Variants in CDKAL1 observed in about 807,000 individuals in gnomAD.
The protein encoded by CDKAL1 is threonylcarbamoyladenosine tRNA methylthiotransferase.
A neutral mutation model predicts 68.2 loss-of-function variants in CDKAL1; 32 were observed. The observed-to-expected ratio is 0.47, with a 90% CI of 0.35 to 0.63. The LOEUF is 0.63. Among genes scored for constraint, CDKAL1 ranks in the 30% least tolerant of loss-of-function variants. The pLI, the probability that CDKAL1 is intolerant of heterozygous loss-of-function variation, is 0.00. For synonymous variants in CDKAL1, 234 were observed against 244.3 expected (o/e 0.96, Z 0.39); for missense variants, 606 against 696.7 (o/e 0.87, Z 1.47).
chr6:20,629,913 G>C (rs1299856763), intron 4 of CDKAL1, among the ~76,000 whole-genome samples: 1 of 151,974 alleles, frequency 6.6e-6, no homozygotes, highest in South Asian at 2.1e-4. Context: ...GAGTGCAGCG[G>C]CACGATCTTG....
intron 13 of CDKAL1, among the ~76,000 whole-genome samples, chr6:21,163,142 G>A (rs1248027772): frequency 1.3e-5 from 2 of 152,108 alleles, no homozygotes; most frequent in African/African-American, 4.8e-5. Context: ...GATGTATAAC[G>A]CTAGCAAATG....
chr6:20,546,849 C>T (rs919278894), intron 3 of CDKAL1, among the ~76,000 whole-genome samples: 27 of 152,248 alleles, frequency 1.8e-4, no homozygotes, highest in Admixed American at 1.4e-3. Context: ...CCACTGAGCA[C>T]GGCCGAAATT....
rs565163496 is a variant in CDKAL1, at chr6:20,916,319, G to A, written c.743-39100G>A. Among the ~76,000 whole-genome samples the A allele has an allele frequency of 9.2e-5, 14 of 152,270 alleles. No individual in the cohort carries two copies. The South Asian group carries it at 2.1e-3, about 23-fold the overall frequency. ...CATTCGGGGAACCTGGGTGAAGAATGCAAGAAAACTTCCTATTTTTGCAAC... is the reference window on the plus strand; with the variant it reads ...CATTCGGGGAACCTGGGTGAAGAATACAAGAAAACTTCCTATTTTTGCAAC... On this transcript the variant is annotated intron_variant, in intron 9 of 15. Transcript: ENST00000274695.
At chr6:20,710,252 G>C (rs1771786755) in intron 5 of CDKAL1, among the ~76,000 whole-genome samples, 1 of 152,142 alleles carries the variant, frequency 6.6e-6, no homozygotes, top group African/African-American at 2.4e-5. Context: ...TTTGTAGAAA[G>C]TAGGTACAGT....
intron 6 of CDKAL1, among the ~76,000 whole-genome samples, chr6:20,742,291 C>A (rs577172483): frequency 7.9e-5 from 12 of 152,164 alleles, no homozygotes; most frequent in African/African-American, 2.9e-4. Context: ...GTTTCTTTTG[C>A]TGTTTTGTTC....
rs115958626 is a variant in CDKAL1 at position 21,070,221 on chromosome 6, C to T, written c.1236+4993C>T. On this transcript the variant is annotated intron_variant, in intron 12 of 15. Coordinates refer to ENST00000274695, the MANE Select transcript of CDKAL1 (RefSeq NM_017774.3). ...ATTTTTCCCTTTTCCTGAAAGATAG[C>T]ACATGTGTACAGCTGAATAATTTTC... is the stretch of plus-strand genomic sequence containing the variant. Among the ~76,000 whole-genome samples the T allele has an allele frequency of 2.2e-3, 334 of 152,258 alleles. 1 individual carries two copies. Among genetic ancestry groups the T allele is most frequent in the African/African-American group, 7.4e-3 (307 of 41,568 alleles).
intron 13 of CDKAL1, among the ~76,000 whole-genome samples, chr6:21,169,508 T>C (rs1777287616): frequency 1.3e-5 from 2 of 152,148 alleles, no homozygotes; most frequent in South Asian, 4.1e-4. Context: ...TGGTGGTGCA[T>C]ACCTGTAATC....
chr6:20,801,210 C>T (rs866488235), intron 8 of CDKAL1, among the ~76,000 whole-genome samples: 7 of 152,230 alleles, frequency 4.6e-5, no homozygotes, highest in East Asian at 1.9e-4. Flanking sequence ...AGGCATGAGC[C>T]GCCATTCCTG....
chr6:20,595,677 G>T (rs902826576), intron 4 of CDKAL1, among the ~76,000 whole-genome samples: 7 of 151,940 alleles, frequency 4.6e-5, no homozygotes, highest in African/African-American at 1.7e-4. Flanking sequence ...ACTTCTGTCA[G>T]TTCGTCACAC....
intron 12 of CDKAL1, among the ~76,000 whole-genome samples, chr6:21,094,514 C>A (rs1773221943): frequency 6.6e-6 from 1 of 152,004 alleles, no homozygotes; most frequent in Non-Finnish European, 1.5e-5. Context: ...GACAAACTCT[C>A]CAAGATAGAA....
chr6:20,627,910 G>A (rs55956442), intron 4 of CDKAL1, among the ~76,000 whole-genome samples: 51 of 152,208 alleles, frequency 3.4e-4, no homozygotes, highest in African/African-American at 1.2e-3. Context: ...AGTATACAAA[G>A]GTCATGATTT....
At chr6:20,843,537 A>C (rs951313983) in intron 8 of CDKAL1, among the ~76,000 whole-genome samples, 4 of 152,126 alleles carry the variant, frequency 2.6e-5, no homozygotes, top group Non-Finnish European at 5.9e-5. Flanking sequence ...CCAAACACAA[A>C]ATTCATTTAT....
intron 9 of CDKAL1, among the ~76,000 whole-genome samples, chr6:20,866,633 G>A (rs1020221110): frequency 1.3e-5 from 2 of 152,166 alleles, no homozygotes; most frequent in African/African-American, 4.8e-5. Flanking sequence ...AATCATTAGA[G>A]TTGTGTCCAT....
intron 11 of CDKAL1, among the ~76,000 whole-genome samples, chr6:21,042,427 C>G (rs1369125292): frequency 6.6e-6 from 1 of 152,166 alleles, no homozygotes; most frequent in African/African-American, 2.4e-5. Context: ...ACACAACTAA[C>G]ACCTCTCTCG....
intron 13 of CDKAL1, among the ~76,000 whole-genome samples, chr6:21,181,458 A>G (rs1777786370): frequency 6.6e-6 from 1 of 152,130 alleles, no homozygotes; most frequent in Non-Finnish European, 1.5e-5. Flanking sequence ...TCCTCCCTCT[A>G]TTGCCTTCTC....
intron 4 of CDKAL1, among the ~76,000 whole-genome samples, chr6:20,565,609 T>G (rs1195277144): frequency 1.3e-5 from 2 of 152,150 alleles, no homozygotes; most frequent in Non-Finnish European, 2.9e-5. Context: ...ATGCTACATA[T>G]GCGATTTGTC....
At position 20,555,857 on chromosome 6, in the gene CDKAL1, C is replaced by T. The variant is rs371240036; in HGVS notation, c.286+7152C>T. Among the ~76,000 whole-genome samples the T allele has an allele frequency of 5.1e-4, 74 of 146,482 alleles. No homozygotes were observed. In the East Asian group the frequency reaches 0.01, roughly 21 times the overall value. ...CAGGATGGTCTCGATCTCTTGACCT[C>T]GTGATCCGCCCGCCTCGGCCTCCCA... On this transcript the variant is annotated intron_variant, in intron 4 of 15. Coordinates refer to ENST00000274695, the MANE Select transcript of CDKAL1 (RefSeq NM_017774.3).
chr6:20,709,462 T>G (rs1437119420), intron 5 of CDKAL1, among the ~76,000 whole-genome samples: 1 of 152,156 alleles, frequency 6.6e-6, no homozygotes, highest in African/African-American at 2.4e-5. Flanking sequence ...AAAAAAAAAT[T>G]TGAAGTCTGA....
intron 12 of CDKAL1, among the ~76,000 whole-genome samples, chr6:21,072,771 G>T (rs1771861366): frequency 6.7e-6 from 1 of 148,240 alleles, no homozygotes. Context: ...TATGTTTCCT[G>T]CCCCTACACA....
Sources: gnomAD v4.1 joint callset for allele counts (sites outside exome capture counted in the v4.1 genomes callset) on GRCh38, gnomAD v4.1.1 for gene constraint, MANE v1.5 for transcripts, NCBI Gene and HGNC (gene_info 2026-07-23, HGNC 2026-07-21) for gene names.